Variants in PPP2R3A observed in about 807,000 individuals in gnomAD.
PPP2R3A encodes the protein serine/threonine-protein phosphatase 2A regulatory subunit B'' subunit alpha.
A neutral mutation model predicts 106.9 loss-of-function variants in PPP2R3A; 80 were observed. That is an observed-to-expected ratio of 0.75 (90% CI 0.62 to 0.90). The LOEUF (loss-of-function observed/expected upper bound fraction) is 0.90, where lower values mean the gene tolerates loss of function less well. Ranked by LOEUF, PPP2R3A falls within the 40% of genes least tolerant of loss-of-function variation. The pLI is 0.00. For synonymous variants in PPP2R3A, 483 were observed against 468.3 expected, an observed-to-expected ratio of 1.03 and a Z score of -0.41; for missense variants, 1,386 against 1,350.4, an observed-to-expected ratio of 1.03 and a Z score of -0.41.
chr3:136,002,626 C>A lies in PPP2R3A; in HGVS notation c.1128C>A (p.Ser376=). The change falls in exon 2 of 14, where the codon TCC becomes TCA. Residue 376 remains serine (S), a synonymous_variant. Coordinates refer to ENST00000264977, the MANE Select transcript of PPP2R3A (RefSeq NM_002718.5). ...VQSIPNNSTN[S]LYNLEVNDPR... ...CCATTCCAAACAACTCCACAAATTC[C>A]TTATATAACTTAGAGGTAAATGATC... 1 of 1,613,880 alleles carries A rather than the reference C, an allele frequency of 6.2e-7. No homozygotes were observed. Among genetic ancestry groups the A allele is most frequent in the African/African-American group, 1.3e-5 (1 of 75,042 alleles).
At chr3:136,091,265 G>A (rs1232097962) in intron 10 of PPP2R3A, among the ~76,000 whole-genome samples, 1 of 152,110 alleles carries the variant, frequency 6.6e-6, no homozygotes. Flanking sequence ...GACCTTGATG[G>A]TACTTGCAGG....
intron 13 of PPP2R3A, among the ~76,000 whole-genome samples, chr3:136,126,116 T>C (rs1938171246): frequency 1.3e-5 from 2 of 152,226 alleles, no homozygotes; most frequent in African/African-American, 4.8e-5. Flanking sequence ...ACTGAGGTAC[T>C]TGGTTCATCT....
intron 12 of PPP2R3A, 41 bp downstream of exon 12, chr3:136,103,417 T>G: frequency 2.9e-6 from 4 of 1,390,364 alleles, no homozygotes; most frequent in Non-Finnish European, 4.0e-6. Flanking sequence ...GGCTGCAGTG[T>G]CAGGGGCTGT....
intron 10 of PPP2R3A, 115 bp from the exon 11 acceptor site, chr3:136,101,892 A>G (rs983945331): frequency 2.5e-5 from 28 of 1,123,948 alleles, no homozygotes; most frequent in Non-Finnish European, 3.3e-5. Flanking sequence ...GTAAAACTAT[A>G]TCTAAGCCTG....
intron 13 of PPP2R3A, among the ~76,000 whole-genome samples, chr3:136,120,681 T>C (rs1478488542): frequency 6.6e-6 from 1 of 151,984 alleles, no homozygotes; most frequent in African/African-American, 2.4e-5. Context: ...AAACTGTGCA[T>C]TTCACAGAGG....
At chr3:136,064,197 C>T (rs1476268446) in intron 5 of PPP2R3A, among the ~76,000 whole-genome samples, 2 of 141,762 alleles carry the variant, frequency 1.4e-5, no homozygotes, top group Non-Finnish European at 3.0e-5. Flanking sequence ...TGTTCTCACT[C>T]ATAGGTGGGA....
intron 3 of PPP2R3A, among the ~76,000 whole-genome samples, chr3:136,038,626 C>T (rs542671966): frequency 7.9e-5 from 12 of 152,290 alleles, no homozygotes; most frequent in Non-Finnish European, 1.3e-4. Context: ...AGCGTCTCCG[C>T]ACACCGTCTG....
At position 136,082,402 on chromosome 3, in the gene PPP2R3A, G is replaced by T. The variant is rs779367349; in HGVS notation, c.2769G>T (p.Leu923=). The part of the protein sequence containing the change: ...DHDLYISQAD[L]SRYNDQASSS... ...ACCTCTACATCAGCCAGGCCGATCT[G>T]TCTCGATACAATGACCAGGGTAAGT... Residue 923 remains leucine (L), a synonymous_variant, in exon 8 of 14, where the codon CTG becomes CTT. Transcript: ENST00000264977. 1 of 1,613,724 alleles carries T rather than the reference G, an allele frequency of 6.2e-7. No individual in the cohort carries two copies. The highest frequency in any genetic ancestry group is 2.2e-5 in the East Asian group (1 of 44,880).
intron 13 of PPP2R3A, among the ~76,000 whole-genome samples, chr3:136,113,796 G>GA (rs111452142): frequency 0.048 from 6,133 of 128,372 alleles, 165 homozygotes; most frequent in South Asian, 0.073. Context: ...CCCTGTGTCA[G>GA]AAAAAAAAAA....
chr3:136,091,750 AT>A (rs1485656300), intron 10 of PPP2R3A, among the ~76,000 whole-genome samples: 12 of 152,254 alleles, frequency 7.9e-5, no homozygotes. Context: ...TTTAGAAAAC[AT>A]GAATGAGCAG....
intron 13 of PPP2R3A, among the ~76,000 whole-genome samples, chr3:136,137,038 TAC>T (rs1327449616): frequency 6.6e-6 from 1 of 152,212 alleles, no homozygotes; most frequent in African/African-American, 2.4e-5. Context: ...AAAGACAGGG[TAC>T]CAGTTACTTA....
chr3:136,052,082 A>C (rs185209312), intron 5 of PPP2R3A, among the ~76,000 whole-genome samples: 2 of 152,234 alleles, frequency 1.3e-5, no homozygotes, highest in African/African-American at 4.8e-5. Context: ...AATATCCAAC[A>C]TTAAATATTC....
At chr3:135,983,323 A>G (rs1937563565) in intron 1 of PPP2R3A, among the ~76,000 whole-genome samples, 1 of 152,158 alleles carries the variant, frequency 6.6e-6, no homozygotes, top group Admixed American at 6.5e-5. Context: ...TGCACTGGCT[A>G]TGTGGTGGGG....
chr3:136,076,560 C>G lies in PPP2R3A; in HGVS notation c.2545-1807C>G, dbSNP rs538218272. Among the ~76,000 whole-genome samples the G allele has an allele frequency of 3.3e-5, 5 of 152,240 alleles. No individual in the cohort carries two copies. The South Asian group carries it at 8.3e-4, about 25-fold the overall frequency. ...TCTTCAAATAGTTATGAAGCCAACCCGTATTTCTCTAACACAAAGATAATA... is the reference window on the plus strand; with the variant it reads ...TCTTCAAATAGTTATGAAGCCAACCGGTATTTCTCTAACACAAAGATAATA... On this transcript the variant is annotated intron_variant, in intron 6 of 13. Coordinates refer to ENST00000264977, the MANE Select transcript of PPP2R3A (RefSeq NM_002718.5).
intron 3 of PPP2R3A, among the ~76,000 whole-genome samples, chr3:136,034,286 C>T (rs1467732903): frequency 3.9e-5 from 6 of 152,120 alleles, no homozygotes; most frequent in Admixed American, 6.5e-5. Flanking sequence ...CCACCGACCT[C>T]GGCCTCCCAA....
At chr3:135,982,789 A>G (rs1045989890) in intron 1 of PPP2R3A, among the ~76,000 whole-genome samples, 2 of 152,138 alleles carry the variant, frequency 1.3e-5, no homozygotes, top group Non-Finnish European at 1.5e-5. Flanking sequence ...CAACACATGC[A>G]TACACACACA....
chr3:136,079,644 T>C (rs912128177), intron 7 of PPP2R3A, among the ~76,000 whole-genome samples: 2 of 152,032 alleles, frequency 1.3e-5, no homozygotes, highest in African/African-American at 4.8e-5. Context: ...CCTGACCTCA[T>C]GATCCACCTG....
intron 1 of PPP2R3A, among the ~76,000 whole-genome samples, chr3:135,980,378 C>T (rs546270332): frequency 6.6e-6 from 1 of 150,608 alleles, no homozygotes; most frequent in African/African-American, 2.5e-5. Flanking sequence ...AGACAGAAGA[C>T]TTGTTTGAAA....
intron 2 of PPP2R3A, among the ~76,000 whole-genome samples, chr3:136,024,976 TAACTC>T (rs1166765738): frequency 6.6e-5 from 10 of 152,184 alleles, no homozygotes; most frequent in Non-Finnish European, 1.3e-4. Context: ...GTCAATTTGT[TAACTC>T]AAAAGTGGTT....
Sources: allele counts gnomAD v4.1 joint callset (sites outside exome capture counted in the v4.1 genomes callset), GRCh38; gene constraint gnomAD v4.1.1; transcripts MANE v1.5; gene names NCBI Gene and HGNC (gene_info 2026-07-23, HGNC 2026-07-21).